Variants in NPAS1 observed in about 807,000 individuals in gnomAD.
The protein encoded by NPAS1 is neuronal PAS domain protein 1.
NPAS1 carries 29 observed loss-of-function variants against 49.2 expected under a neutral mutation model. That is an observed-to-expected ratio of 0.59 (90% CI 0.44 to 0.80). The LOEUF (loss-of-function observed/expected upper bound fraction) is 0.80. Ranked by LOEUF, NPAS1 falls within the 30% of genes least tolerant of loss-of-function variation. The pLI is 0.00. For synonymous variants in NPAS1, 408 were observed against 380.4 expected, an observed-to-expected ratio of 1.07 and a Z score of -0.84; for missense variants, 825 against 835.5, an observed-to-expected ratio of 0.99 and a Z score of 0.15.
At position 47,045,489 on chromosome 19, in the gene NPAS1, C is replaced by T; in HGVS notation, c.1611C>T (p.Cys537=). ...GFLPPVVRGL[C]TPGTIRYGPA... is the part of the protein sequence containing the mutation. The stretch of plus-strand genomic sequence containing the variant: ...TGCCGCCGGTGGTGCGGGGCCTGTG[C>T]ACACCCGGCACCATCCGCTACGGCC... Residue 537 remains cysteine (C), a synonymous_variant, in exon 12 of 12, where the codon TGC becomes TGT. Transcript: ENST00000602212. 8 of 1,561,938 alleles carry T rather than the reference C, an allele frequency of 5.1e-6. No homozygotes were observed. The highest frequency in any genetic ancestry group is 1.9e-5 in the Admixed American group (1 of 52,852).
chr19:47,045,365 CTG>C lies in NPAS1; in HGVS notation c.1489_1490del (p.Val497HisfsTer114). On this transcript the variant is annotated frameshift_variant, in exon 12 of 12. Coordinates refer to ENST00000602212, the MANE Select transcript of NPAS1 (RefSeq NM_002517.4). LOFTEE classifies it low-confidence loss of function (END_TRUNC). Reference sequence around the variant, plus strand: ...GCCACACCGAGGCCCGAGTTCACCTCTGTCATCCGGGCAGGGGTCCTGAAGCA... The same window carrying C: ...GCCACACCGAGGCCCGAGTTCACCTCTCATCCGGGCAGGGGTCCTGAAGCA... 1 of 1,613,682 alleles carries C rather than the reference CTG, an allele frequency of 6.2e-7. No homozygotes were observed. The highest frequency in any genetic ancestry group is 8.5e-7 in the Non-Finnish European group (1 of 1,179,942).
intron 5 of NPAS1, among the ~76,000 whole-genome samples, chr19:47,033,443 T>C (rs927166208): frequency 3.3e-5 from 5 of 151,646 alleles, no homozygotes; most frequent in Admixed American, 3.3e-4. Flanking sequence ...GGTTTCTTCA[T>C]GTTGGTCAGG....
chr19:47,039,271 G>C, intron 7 of NPAS1, 120 bp downstream of exon 7: 1 of 1,467,486 alleles, frequency 6.8e-7, no homozygotes, highest in Non-Finnish European at 9.3e-7. Context: ...CTGGGTCTGG[G>C]AATGGGACTG....
At chr19:47,020,654 C>G (rs1336045604) in intron 1 of NPAS1, among the ~76,000 whole-genome samples, 1 of 151,782 alleles carries the variant, frequency 6.6e-6, no homozygotes, top group Non-Finnish European at 1.5e-5. Context: ...GGGAGGCGCC[C>G]GCCCCCCGCC....
In NPAS1 at chr19:47,021,269, C is replaced by G; in HGVS notation, c.122+100C>G. 1 of 1,079,392 alleles carries G rather than the reference C, an allele frequency of 9.3e-7. No homozygotes were observed. The highest frequency in any genetic ancestry group is 1.7e-5 in the South Asian group (1 of 58,646). The allele number at this position is 1,079,392 out of a possible 1,614,324, so 66.9% of individuals were successfully genotyped here. A position where few individuals can be genotyped will look rare whatever the true frequency, so the allele number is the denominator to read the frequency against. ...CCAAGGGGCAGTTCACACCCAGCTC[C>G]CTGACCCGCCCCTTAGGGCTAGAAG... On this transcript the variant is annotated intron_variant, in intron 2 of 11. Transcript: ENST00000602212. The surrounding 1 kb of genome is among the most constrained non-coding windows in gnomAD (Gnocchi z 5.7).
Position 47,019,873 on chromosome 19 carries a change from G to C in NPAS1, c.-167G>C. On this transcript the variant is annotated 5_prime_UTR_variant, in exon 1 of 12. Transcript: ENST00000602212. Reference sequence around the variant, plus strand: ...CGCCGAGAGCTGGGCGCCACAGCCCGCGCGTCCCGCTGCGCCCCGCGCGCC... The same window carrying C: ...CGCCGAGAGCTGGGCGCCACAGCCCCCGCGTCCCGCTGCGCCCCGCGCGCC... The C allele has an allele frequency of 8.9e-6, 3 of 337,990 alleles. No individual in the cohort carries two copies. The highest frequency in any genetic ancestry group is 4.5e-5 in the East Asian group (1 of 22,062). The allele number at this position is 337,990 out of a possible 1,614,324, so 20.9% of individuals were successfully genotyped here. A position where few individuals can be genotyped will look rare whatever the true frequency, so the allele number is the denominator to read the frequency against.
chr19:47,032,301 G>T lies in NPAS1; in HGVS notation c.382G>T (p.Ala128Ser), dbSNP rs777727246. 1 of 1,614,010 alleles carries T rather than the reference G, an allele frequency of 6.2e-7. No individual in the cohort carries two copies. Among genetic ancestry groups the T allele is most frequent in the Non-Finnish European group, 8.5e-7 (1 of 1,180,014 alleles). Residue 128 changes from alanine to serine, a missense_variant, in exon 4 of 12, where the codon GCG becomes TCG. Transcript: ENST00000602212. ...AGCCCCAGGCCGCCGCGGCCCCGCA[G>T]CGCTGGTCTCCGAAGTCTTCGAGCA... Reference protein sequence around the residue: ...GLAPGRRGPAALVSEVFEQHL... With the variant: ...GLAPGRRGPASLVSEVFEQHL...
chr19:47,024,695 C>T (rs1268018489), intron 3 of NPAS1, among the ~76,000 whole-genome samples: 1 of 152,070 alleles, frequency 6.6e-6, no homozygotes, highest in Admixed American at 6.6e-5. Context: ...GTCTCTGCCT[C>T]TCTGGGCCTC....
intron 6 of NPAS1, among the ~76,000 whole-genome samples, chr19:47,038,247 A>ATG (rs2056979785): frequency 6.6e-6 from 1 of 152,186 alleles, no homozygotes; most frequent in South Asian, 2.1e-4. Flanking sequence ...GGCCAGGCGC[A>ATG]GTGGCTCACG....
chr19:47,032,438 T>C (rs2122487721), intron 4 of NPAS1, 87 bp downstream of exon 4: 1 of 1,403,624 alleles, frequency 7.1e-7, no homozygotes. Flanking sequence ...AGCATCCATC[T>C]ATTGTGGGGG....
rs2122421521 is a variant in NPAS1, at chr19:47,021,537, G to A, written c.123-75G>A. ...CGTCCCGTTCCCAAGGCCCCGGGAG[G>A]CGGGGCTCGCCCCCAGTTCCCAAGC... On this transcript the variant is annotated intron_variant, in intron 2 of 11. Transcript: ENST00000602212. The surrounding 1 kb of genome is among the most constrained non-coding windows in gnomAD (Gnocchi z 5.7). The A allele has an allele frequency of 9.8e-7, 1 of 1,018,734 alleles. No homozygotes were observed. Among genetic ancestry groups the A allele is most frequent in the East Asian group, 3.0e-5 (1 of 33,254 alleles). The allele number at this position is 1,018,734 out of a possible 1,614,324, so 63.1% of individuals were successfully genotyped here.
intron 3 of NPAS1, among the ~76,000 whole-genome samples, chr19:47,022,819 C>G (rs2056850015): frequency 6.6e-6 from 1 of 152,202 alleles, no homozygotes; most frequent in Non-Finnish European, 1.5e-5. Flanking sequence ...AGATAAATAT[C>G]TAAGTTTATT....
intron 9 of NPAS1, 155 bp from the exon 10 acceptor site, chr19:47,040,823 G>C (rs2057012258): frequency 1.5e-6 from 1 of 682,580 alleles, no homozygotes; most frequent in Non-Finnish European, 2.4e-6. Flanking sequence ...CTCTGACTCT[G>C]CCTCTCTGTG....
chr19:47,028,464 G>A (rs2056887649), intron 3 of NPAS1, among the ~76,000 whole-genome samples: 1 of 152,058 alleles, frequency 6.6e-6, no homozygotes, highest in Non-Finnish European at 1.5e-5. Context: ...TTCGCCGCCT[G>A]GTGTTTTGAT....
In NPAS1 at chr19:47,021,677, T is replaced by C. The variant is rs900878371; in HGVS notation, c.188T>C (p.Leu63Pro). 10 of 1,564,246 alleles carry C rather than the reference T, an allele frequency of 6.4e-6. No homozygotes were observed. Among genetic ancestry groups the C allele is most frequent in the Non-Finnish European group, 8.6e-6 (10 of 1,156,348 alleles). Residue 63 changes from leucine to proline, a missense_variant, in exon 3 of 12, where the codon CTG (leucine) becomes CCG (proline). Coordinates refer to ENST00000602212, the MANE Select transcript of NPAS1 (RefSeq NM_002517.4). The surrounding 1 kb of genome is among the most constrained non-coding windows in gnomAD (Gnocchi z 5.7). ...AARSRRGKEN[L>P]EFFELAKLLP... ...CGCTCGCGGCGCGGGAAGGAGAACCTGGAGTTCTTCGAGCTGGCCAAGCTT... is the reference window on the plus strand; with the variant it reads ...CGCTCGCGGCGCGGGAAGGAGAACCCGGAGTTCTTCGAGCTGGCCAAGCTT...
intron 10 of NPAS1, among the ~76,000 whole-genome samples, chr19:47,042,202 G>C (rs1230853820): frequency 3.3e-5 from 5 of 151,648 alleles, no homozygotes; most frequent in Admixed American, 3.3e-4. Context: ...CCAGCTACTC[G>C]GGAGGCTGAA....
chr19:47,033,785 C>G (rs552767736), intron 5 of NPAS1, among the ~76,000 whole-genome samples: 2 of 150,132 alleles, frequency 1.3e-5, no homozygotes, highest in African/African-American at 2.4e-5. Flanking sequence ...TAGTGAGACA[C>G]CCCACCACCC....
chr19:47,024,113 AT>A (rs2056858044), intron 3 of NPAS1, among the ~76,000 whole-genome samples: 1 of 151,838 alleles, frequency 6.6e-6, no homozygotes, highest in African/African-American at 2.4e-5. Context: ...CAAAAAATAT[AT>A]AAAAATAAAA....
chr19:47,020,911 T>G (rs1428885965), intron 1 of NPAS1, 95 bp from the exon 2 acceptor site: 23 of 172,938 alleles, frequency 1.3e-4, no homozygotes, highest in East Asian at 1.9e-4. Flanking sequence ...CCCCCCCAGC[T>G]CCTTGCTGGG....
Sources: gnomAD v4.1 joint callset for allele counts (sites outside exome capture counted in the v4.1 genomes callset) on GRCh38, gnomAD v4.1.1 for gene constraint, Gnocchi (gnomAD v3.1) non-coding constraint, MANE v1.5 for transcripts, NCBI Gene and HGNC (gene_info 2026-07-23, HGNC 2026-07-21) for gene names.